Variants in LINGO2 observed in about 807,000 individuals in gnomAD.
The protein encoded by LINGO2 is leucine-rich repeat and immunoglobulin-like domain-containing nogo receptor-interacting protein 2.
In LINGO2, 14 loss-of-function variants were observed where a neutral mutation model predicts 30.6. That is an observed-to-expected ratio of 0.46 (90% CI 0.30 to 0.72). The LOEUF (loss-of-function observed/expected upper bound fraction) is 0.72. Among genes scored for constraint, LINGO2 ranks in the 30% least tolerant of loss-of-function variants. LINGO2 has a pLI of 0.07. For synonymous variants in LINGO2, 317 were observed against 288.5 expected (o/e 1.10, Z -1.00); for missense variants, 729 against 751.7 (o/e 0.97, Z 0.35).
chr9:28,611,919 C>G (rs952983154), intron 1 of LINGO2, among the ~76,000 whole-genome samples: 1 of 151,944 alleles, frequency 6.6e-6, no homozygotes, highest in African/African-American at 2.4e-5. Context: ...CTCCCGGGTT[C>G]ACACCATTCT....
chr9:28,812,838 GAT>G, the LINGO2 span, among the ~76,000 whole-genome samples: 1 of 152,116 alleles, frequency 6.6e-6, no homozygotes, highest in African/African-American at 2.4e-5. Context: ...TAAGTGACAT[GAT>G]AAGGAGACAG....
chr9:28,694,681 G>GT, the LINGO2 span, among the ~76,000 whole-genome samples: 1 of 151,972 alleles, frequency 6.6e-6, no homozygotes, highest in Non-Finnish European at 1.5e-5. Context: ...CACACAGCTA[G>GT]TAAGGGCAGA....
the LINGO2 span, among the ~76,000 whole-genome samples, chr9:29,031,588 T>C: frequency 2.0e-5 from 3 of 152,106 alleles, no homozygotes; most frequent in African/African-American, 4.8e-5. Context: ...CAGCTGGTGG[T>C]AATGTTATTT....
chr9:28,145,744 C>A (rs1227807920), intron 4 of LINGO2, among the ~76,000 whole-genome samples: 1 of 152,118 alleles, frequency 6.6e-6, no homozygotes. Context: ...CTGTCTTACC[C>A]ATTCTTTACA....
At chr9:29,175,846 A>G in the LINGO2 span, among the ~76,000 whole-genome samples, 2 of 152,160 alleles carry the variant, frequency 1.3e-5, no homozygotes, top group Non-Finnish European at 2.9e-5. Flanking sequence ...TATTTTTTTA[A>G]AAAAGAGTAA....
At chr9:28,122,733 C>T (rs1006126042) in intron 4 of LINGO2, among the ~76,000 whole-genome samples, 1 of 152,158 alleles carries the variant, frequency 6.6e-6, no homozygotes, top group African/African-American at 2.4e-5. Context: ...AAGCCACTAT[C>T]ACAGCATCAA....
chr9:28,563,384 T>C (rs1434871389), intron 1 of LINGO2, among the ~76,000 whole-genome samples: 1 of 152,160 alleles, frequency 6.6e-6, no homozygotes, highest in East Asian at 1.9e-4. Context: ...CTGTACTTAG[T>C]GACCAGAAGT....
At position 28,496,132 on chromosome 9, in the gene LINGO2, T is replaced by C. The variant is rs532611684; in HGVS notation, c.-364-20107A>G. Among the ~76,000 whole-genome samples, 108 of 152,122 alleles carry C rather than the reference T, an allele frequency of 7.1e-4. 1 individual carries two copies. Among genetic ancestry groups the C allele is most frequent in the African/African-American group, 2.3e-3 (97 of 41,438 alleles). The stretch of plus-strand genomic sequence containing the variant: ...GATGTGGTTCTGAGAAGAATGTATA[T>C]TCTGTTGATTTGGGGTGGAGAGTTC... On this transcript the variant is annotated intron_variant, in intron 1 of 5. Coordinates refer to ENST00000379992, the Ensembl canonical transcript of LINGO2.
chr9:28,135,072 A>G (rs1827480551), intron 4 of LINGO2, among the ~76,000 whole-genome samples: 4 of 152,232 alleles, frequency 2.6e-5, no homozygotes. Flanking sequence ...ACGAGTAACA[A>G]AACAGTAGAA....
rs1554637897 is a variant in LINGO2 at position 28,562,475 on chromosome 9, A to AC, written c.-364-86451dup. 4.9e-5 allele frequency among the ~76,000 whole-genome samples: 7 copies of AC among 144,058 alleles called. No homozygotes were observed. In the East Asian group the frequency reaches 1.3e-3, roughly 26 times the overall value. The allele number at this position is 144,058 out of a possible 152,430, so 94.5% of individuals were successfully genotyped here. ...TTACTTTCAAAAAAAAAAAAAAAAA[A>AC]CAGAAAAAACAAAAAATTGGTCCCC... On this transcript the variant is annotated intron_variant, in intron 1 of 5. Coordinates refer to ENST00000379992, the Ensembl canonical transcript of LINGO2.
the LINGO2 span, among the ~76,000 whole-genome samples, chr9:29,029,188 G>A: frequency 6.6e-6 from 1 of 152,102 alleles, no homozygotes; most frequent in Admixed American, 6.6e-5. Flanking sequence ...CCTGCTTATA[G>A]TGTGGTGCAG....
chr9:28,660,895 A>G lies in LINGO2; in HGVS notation c.-365+9305T>C, dbSNP rs144170462. ...CCTTTTCTGTCATCTTGAGAAGGAG[A>G]GCTGTCTTTGATTGATGAACCAGAC... On this transcript the variant is annotated intron_variant, in intron 1 of 5. Coordinates refer to ENST00000379992, the Ensembl canonical transcript of LINGO2. Among the ~76,000 whole-genome samples the G allele has an allele frequency of 5.3e-5, 8 of 152,258 alleles. No homozygotes were observed. In the East Asian group the frequency reaches 1.5e-3, roughly 29 times the overall value.
rs10968303 is a variant in LINGO2 at position 28,045,984 on chromosome 9, T to C, written c.-86-33579A>G. ...TTCTCTTCATTTCCTCATGTGTCCCTTTGGCAAAAAGTTTAGACCTATAAT... is the reference window on the plus strand; with the variant it reads ...TTCTCTTCATTTCCTCATGTGTCCCCTTGGCAAAAAGTTTAGACCTATAAT... On this transcript the variant is annotated intron_variant, in intron 4 of 5. Coordinates refer to ENST00000379992, the Ensembl canonical transcript of LINGO2. Among the ~76,000 whole-genome samples the C allele has an allele frequency of 2.1e-3, 325 of 152,274 alleles. 9 individuals carry two copies. In the East Asian group the frequency reaches 0.05, roughly 24 times the overall value.
At chr9:28,759,723 A>G in the LINGO2 span, among the ~76,000 whole-genome samples, 2 of 151,918 alleles carry the variant, frequency 1.3e-5, no homozygotes, top group Non-Finnish European at 2.9e-5. Flanking sequence ...CGTGGCTTAC[A>G]GTACAGCCAG....
At chr9:28,249,653 A>C (rs1394551177) in intron 4 of LINGO2, among the ~76,000 whole-genome samples, 1 of 152,142 alleles carries the variant, frequency 6.6e-6, no homozygotes, top group African/African-American at 2.4e-5. Flanking sequence ...AACCCACTTG[A>C]GTTTTATTGG....
rs548758571 is a variant in LINGO2 at position 28,538,941 on chromosome 9, GA to G, written c.-364-62917del. 1.6e-4 allele frequency among the ~76,000 whole-genome samples: 25 copies of G among 151,662 alleles called. No homozygotes were observed. The South Asian group carries it at 3.5e-3, about 21-fold the overall frequency. ...GAAAGCAAAGGGAAAGCATGGCATA[GA>G]AAAAAATAAAATAAAAAAATCCATA... On this transcript the variant is annotated intron_variant, in intron 1 of 5. Transcript: ENST00000379992.
At chr9:28,848,286 TGC>T in the LINGO2 span, among the ~76,000 whole-genome samples, 24 of 95,466 alleles carry the variant, frequency 2.5e-4, no homozygotes, top group African/African-American at 1.2e-3. Context: ...ATATACACTA[TGC>T]ATATATATAT....
chr9:28,581,061 T>A (rs1316052901), intron 1 of LINGO2, among the ~76,000 whole-genome samples: 1 of 151,950 alleles, frequency 6.6e-6, no homozygotes, highest in Non-Finnish European at 1.5e-5. Flanking sequence ...GAAGAAGATA[T>A]ATTGAAGGTG....
the LINGO2 span, among the ~76,000 whole-genome samples, chr9:28,914,958 C>G: frequency 1.3e-5 from 2 of 152,062 alleles, no homozygotes; most frequent in Non-Finnish European, 2.9e-5. Context: ...ATGGTGAAAC[C>G]TCATCTCTAC....
Sources: allele counts gnomAD v4.1 joint callset (sites outside exome capture counted in the v4.1 genomes callset), GRCh38; gene constraint gnomAD v4.1.1; transcripts MANE v1.5; gene names NCBI Gene and HGNC (gene_info 2026-07-23, HGNC 2026-07-21).